Variants in SLC35F5 observed in about 807,000 individuals in gnomAD.
The protein encoded by SLC35F5 is solute carrier family 35 member F5.
In SLC35F5, 54 loss-of-function variants were observed where a neutral mutation model predicts 68.6. The ratio of observed to expected loss-of-function variants is 0.79; its 90% confidence interval spans 0.63 to 0.99. The LOEUF is 0.99. Among genes scored for constraint, SLC35F5 ranks in the 50% least tolerant of loss-of-function variants. SLC35F5 has a pLI of 0.00. For synonymous variants in SLC35F5, 211 were observed against 205.2 expected (o/e 1.03, Z -0.24); for missense variants, 567 against 626.9 (o/e 0.90, Z 1.02).
At chr2:113,731,433 A>G in intron 10 of SLC35F5, 151 bp downstream of exon 10, 1 of 582,056 alleles carries the variant, frequency 1.7e-6, no homozygotes, top group South Asian at 2.6e-5. Context: ...TAAACTATTT[A>G]CGCATTTTTT....
rs1349482052 is a variant in SLC35F5, at chr2:113,724,581, G to A, written c.1250+797C>T. ...GCAGGGAGACAGCACTGTAGGCAGA[G>A]CATTAAGGAAGACTCCACAAAAAAG... On this transcript the variant is annotated intron_variant, in intron 12 of 15. Coordinates refer to ENST00000245680, the MANE Select transcript of SLC35F5 (RefSeq NM_025181.5). Among the ~76,000 whole-genome samples the A allele has an allele frequency of 2.6e-5, 4 of 152,120 alleles. No homozygotes were observed. The East Asian group carries it at 7.7e-4, about 29-fold the overall frequency.
Position 113,714,054 on chromosome 2 carries a change from A to G in SLC35F5, c.*1164T>C, listed in dbSNP as rs1687088426. On this transcript the variant is annotated 3_prime_UTR_variant, in exon 16 of 16. Transcript: ENST00000245680. ...TGAATCCTGGGACATACGTTTACTG[A>G]TATCTATGGTGAATAGAGTCCAGGA... 6.6e-6 allele frequency: 1 copy of G among 152,168 alleles called. No homozygotes were observed. The highest frequency in any genetic ancestry group is 2.1e-4 in the South Asian group (1 of 4,838). 9.4% of individuals were successfully genotyped at this position (152,168 alleles called of 1,614,324 possible).
Position 113,723,163 on chromosome 2 carries a change from T to C in SLC35F5, c.1282A>G (p.Thr428Ala). The change falls in exon 13 of 16, where the codon ACA (threonine) becomes GCA (alanine). Residue 428 changes from threonine (T) to alanine (A), a missense_variant. By Grantham distance (58) the Thr-to-Ala change is moderately conservative. Coordinates refer to ENST00000245680, the MANE Select transcript of SLC35F5 (RefSeq NM_025181.5). ...GCFLTSSLIGTLALSLTIPLS... is the reference protein window; with the variant it reads ...GCFLTSSLIGALALSLTIPLS... ...GGTATTGTAAGGCTTAGTGCAAGTG[T>C]GCCTATCAATGATGAGGTAAGAAAG... The C allele has an allele frequency of 6.3e-7, 1 of 1,590,742 alleles. No individual in the cohort carries two copies. The highest frequency in any genetic ancestry group is 1.2e-5 in the South Asian group (1 of 84,954).
chr2:113,748,631 T>TA (rs1676611546), intron 4 of SLC35F5, among the ~76,000 whole-genome samples: 1 of 152,196 alleles, frequency 6.6e-6, no homozygotes, highest in Non-Finnish European at 1.5e-5. Context: ...CTAATACACA[T>TA]ACAATTTATC....
At chr2:113,718,656 A>G (rs1195930384) in intron 14 of SLC35F5, among the ~76,000 whole-genome samples, 1 of 151,966 alleles carries the variant, frequency 6.6e-6, no homozygotes, top group Non-Finnish European at 1.5e-5. Flanking sequence ...TTAGCTGGGC[A>G]TGGTGGTGCA....
rs79675437 is a variant in SLC35F5, at chr2:113,715,970, T to G, written c.*23-775A>C. 1.5e-4 allele frequency among the ~76,000 whole-genome samples: 23 copies of G among 152,168 alleles called. No homozygotes were observed. The East Asian group carries it at 4.5e-3, about 29-fold the overall frequency. On this transcript the variant is annotated intron_variant, in intron 15 of 15. Transcript: ENST00000245680. ...AAAAAAATATATTTTTTAACAGAAA[T>G]AAGGTCTCACTATGTTGCCCAGGCT...
chr2:113,718,865 A>AAAG (rs1687282084), intron 14 of SLC35F5, among the ~76,000 whole-genome samples: 1 of 123,406 alleles, frequency 8.1e-6, no homozygotes, highest in Non-Finnish European at 1.7e-5. Context: ...GAGAGAAAGA[A>AAAG]AAAGAAAGAA....
rs1002929601 is a variant in SLC35F5 at position 113,713,992 on chromosome 2, G to A, written c.*1226C>T. The A allele has an allele frequency of 5.3e-5, 8 of 152,082 alleles. No homozygotes were observed. Among genetic ancestry groups the A allele is most frequent in the African/African-American group, 1.2e-4 (5 of 41,428 alleles). 9.4% of individuals were successfully genotyped at this position (152,082 alleles called of 1,614,324 possible). A position where few individuals can be genotyped will look rare whatever the true frequency, so the allele number is the denominator to read the frequency against. ...TTTGAAGAGAACTAAACTCTTCACA[G>A]CAAACTTGAAAAGAATATTGATTAA... On this transcript the variant is annotated 3_prime_UTR_variant, in exon 16 of 16. Transcript: ENST00000245680.
In SLC35F5 at chr2:113,711,209, T is replaced by G. The variant is rs536097920; in HGVS notation, c.*4009A>C. On this transcript the variant is annotated 3_prime_UTR_variant, in exon 16 of 16. Transcript: ENST00000245680. ...TTCAAAATGCTGTTATTGGAAATGT[T>G]ACCATTTCACATGAACATTCCAGTA... Among the ~76,000 whole-genome samples, 2 of 152,326 alleles carry G rather than the reference T, an allele frequency of 1.3e-5. No individual in the cohort carries two copies. Among genetic ancestry groups the G allele is most frequent in the South Asian group, 4.1e-4 (2 of 4,824 alleles).
intron 3 of SLC35F5, among the ~76,000 whole-genome samples, chr2:113,753,280 G>A (rs936310421): frequency 1.5e-5 from 2 of 135,892 alleles, no homozygotes; most frequent in African/African-American, 2.7e-5. Context: ...CCAGGTTCAA[G>A]CGATTCTCCT....
At position 113,708,271 on chromosome 2, in the gene SLC35F5, G is replaced by A. The variant is rs932498227; in HGVS notation, c.*6947C>T. Among the ~76,000 whole-genome samples the A allele has an allele frequency of 6.6e-6, 1 of 152,088 alleles. No homozygotes were observed. Among genetic ancestry groups the A allele is most frequent in the African/African-American group, 2.4e-5 (1 of 41,410 alleles). ...GGCTGGGGAAAGGTAAAAGAACCCC[G>A]GTTGTGATTATTTTTTTCTAACAAA... On this transcript the variant is annotated 3_prime_UTR_variant, in exon 16 of 16. Coordinates refer to ENST00000245680, the MANE Select transcript of SLC35F5 (RefSeq NM_025181.5).
rs186990266 is a variant in SLC35F5, at chr2:113,731,929, G to A, written c.921-281C>T. On this transcript the variant is annotated intron_variant, in intron 9 of 15. Transcript: ENST00000245680. Reference sequence around the variant, plus strand: ...TTACATGTGAAAGCTAATACACAAAGAGGTAAGGTAACTTGACCAAGATCA... The same window carrying A: ...TTACATGTGAAAGCTAATACACAAAAAGGTAAGGTAACTTGACCAAGATCA... Among the ~76,000 whole-genome samples the A allele has an allele frequency of 6.2e-3, 944 of 152,174 alleles. 16 individuals are homozygous for A. Among genetic ancestry groups the A allele is most frequent in the African/African-American group, 0.022 (897 of 41,512 alleles).
rs1248816777 is a variant in SLC35F5, at chr2:113,708,814, T to G, written c.*6404A>C. Among the ~76,000 whole-genome samples the G allele has an allele frequency of 6.6e-6, 1 of 152,226 alleles. No individual in the cohort carries two copies. The highest frequency in any genetic ancestry group is 1.9e-4 in the East Asian group (1 of 5,208). Reference sequence around the variant, plus strand: ...ATTTGTTTTGCAACTGATTTGATGCTGTCTGAAAATCAAGATCAAGCAGGT... The same window carrying G: ...ATTTGTTTTGCAACTGATTTGATGCGGTCTGAAAATCAAGATCAAGCAGGT... On this transcript the variant is annotated 3_prime_UTR_variant, in exon 16 of 16. Transcript: ENST00000245680.
rs184446457 is a variant in SLC35F5 at position 113,720,009 on chromosome 2, A to T, written c.1342-701T>A. Among the ~76,000 whole-genome samples the T allele has an allele frequency of 4.3e-3, 659 of 151,994 alleles. 2 individuals carry two copies. Among genetic ancestry groups the T allele is most frequent in the Non-Finnish European group, 7.0e-3 (473 of 67,912 alleles). On this transcript the variant is annotated intron_variant, in intron 13 of 15. Coordinates refer to ENST00000245680, the MANE Select transcript of SLC35F5 (RefSeq NM_025181.5). ...CATTTATCAGAGTTGTCAAGAAAAT[A>T]AAAAATATCTGTAAGTAGGGTGGAG...
At chr2:113,722,388 TAC>T (rs35537697) in intron 13 of SLC35F5, among the ~76,000 whole-genome samples, 53,057 of 150,626 alleles carry the variant, frequency 0.35, 9,856 homozygotes, top group Middle Eastern at 0.57. Context: ...CACACATACA[TAC>T]ACACACACAC....
At chr2:113,726,407 A>C in intron 11 of SLC35F5, among the ~76,000 whole-genome samples, 1 of 152,204 alleles carries the variant, frequency 6.6e-6, no homozygotes, top group Non-Finnish European at 1.5e-5. Context: ...AAAGATTACA[A>C]TTCTATAATA....
chr2:113,716,351 A>G (rs1315637835), intron 15 of SLC35F5, among the ~76,000 whole-genome samples: 2 of 152,230 alleles, frequency 1.3e-5, no homozygotes, highest in Admixed American at 1.3e-4. Context: ...CTCTCCAAAA[A>G]GGGTAGTAAC....
intron 5 of SLC35F5, among the ~76,000 whole-genome samples, chr2:113,744,065 C>G (rs1204960456): frequency 1.3e-5 from 2 of 152,226 alleles, no homozygotes; most frequent in East Asian, 3.8e-4. Flanking sequence ...AAAAACATAT[C>G]TCTTTCTTAG....
intron 14 of SLC35F5, among the ~76,000 whole-genome samples, chr2:113,718,772 G>GC (rs1687273665): frequency 6.6e-6 from 1 of 151,434 alleles, no homozygotes; most frequent in Admixed American, 6.6e-5. Context: ...TCCAGGCTGG[G>GC]CTACAGAGCA....
Sources: gnomAD v4.1 joint callset for allele counts (sites outside exome capture counted in the v4.1 genomes callset) on GRCh38, gnomAD v4.1.1 for gene constraint, MANE v1.5 for transcripts, NCBI Gene and HGNC (gene_info 2026-07-23, HGNC 2026-07-21) for gene names.